Variants in USP6NL observed in about 807,000 individuals in gnomAD.
USP6NL encodes USP6 N-terminal like, also known as USP6 N-terminal-like protein.
In USP6NL, 26 loss-of-function variants were observed where a neutral mutation model predicts 61.9. The ratio of observed to expected loss-of-function variants is 0.42; its 90% confidence interval spans 0.31 to 0.58. The LOEUF is 0.58. USP6NL is among the 20% of genes least tolerant of loss of function. USP6NL has a pLI of 0.16. For missense variants in USP6NL, 1,114 were observed against 1,034.3 expected, an observed-to-expected ratio of 1.08 and a Z score of -1.06; for synonymous variants, 432 against 390.1, an observed-to-expected ratio of 1.11 and a Z score of -1.27.
In USP6NL at chr10:11,575,663, C is replaced by T. The variant is rs1837513451; in HGVS notation, c.4+21968G>A. 6.6e-6 allele frequency among the ~76,000 whole-genome samples: 1 copy of T among 152,200 alleles called. No homozygotes were observed. Among genetic ancestry groups the T allele is most frequent in the South Asian group, 2.1e-4 (1 of 4,826 alleles). ...TCACTTTGAACACATTGGTTCACTA[C>T]TGTCAATGCTTAGCTTCTGCTAAGC... On this transcript the variant is annotated intron_variant, in intron 2 of 14. Coordinates refer to ENST00000609104, the MANE Select transcript of USP6NL (RefSeq NM_014688.5). This position sits in a 1 kb window ranked among gnomAD's most constrained non-coding sequence, Gnocchi z 4.2.
In USP6NL at chr10:11,592,033, C is replaced by A. The variant is rs1838171364; in HGVS notation, c.4+5598G>T. Among the ~76,000 whole-genome samples the A allele has an allele frequency of 6.6e-6, 1 of 152,064 alleles. No homozygotes were observed. Among genetic ancestry groups the A allele is most frequent in the Non-Finnish European group, 1.5e-5 (1 of 68,016 alleles). On this transcript the variant is annotated intron_variant, in intron 2 of 14. Transcript: ENST00000609104. The surrounding 1 kb of genome is among the most constrained non-coding windows in gnomAD (Gnocchi z 4.7). ...TACCGGCACCCACCACCATGCCCAG[C>A]TAATTTTTTAGTATTTTTAGTAGAG...
chr10:11,469,083 T>C (rs1188501925), intron 14 of USP6NL, among the ~76,000 whole-genome samples: 5 of 152,188 alleles, frequency 3.3e-5, no homozygotes, highest in Non-Finnish European at 7.3e-5. Flanking sequence ...ATATTAGAAT[T>C]AAAGGAAAAG....
At position 11,562,970 on chromosome 10, in the gene USP6NL, T is replaced by G. The variant is rs146495707; in HGVS notation, c.4+34661A>C. Among the ~76,000 whole-genome samples, 3,702 of 152,048 alleles carry G rather than the reference T, an allele frequency of 0.024. 68 individuals are homozygous for G. The highest frequency in any genetic ancestry group is 0.036 in the Non-Finnish European group (2,467 of 67,964). On this transcript the variant is annotated intron_variant, in intron 2 of 14. Coordinates refer to ENST00000609104, the MANE Select transcript of USP6NL (RefSeq NM_014688.5). This position sits in a 1 kb window ranked among gnomAD's most constrained non-coding sequence, Gnocchi z 4.8. The stretch of plus-strand genomic sequence containing the variant: ...GTCGACACAAAAATCTGAATGTTCA[T>G]AGTAGCTTTATTTGTAATAGTAAAA...
At chr10:11,494,928 G>A (rs932350013) in intron 7 of USP6NL, among the ~76,000 whole-genome samples, 7 of 151,934 alleles carry the variant, frequency 4.6e-5, no homozygotes, top group African/African-American at 1.7e-4. Context: ...AACTGCAGGC[G>A]AGCCTGACTA....
chr10:11,608,678 C>T (rs1024432301), intron 1 of USP6NL, among the ~76,000 whole-genome samples: 3 of 152,192 alleles, frequency 2.0e-5, no homozygotes, highest in Admixed American at 6.5e-5. Flanking sequence ...AAGGACTCAT[C>T]CCACGTGTTG....
At position 11,463,705 on chromosome 10, in the gene USP6NL, G is replaced by C; in HGVS notation, c.1223C>G (p.Pro408Arg). The change falls in exon 15 of 15, where the codon CCC (proline) becomes CGC (arginine). Residue 408 changes from proline (P) to arginine (R), a missense_variant. Coordinates refer to ENST00000609104, the MANE Select transcript of USP6NL (RefSeq NM_014688.5). This position sits in a 1 kb window ranked among gnomAD's most constrained non-coding sequence, Gnocchi z 6.3. The stretch of plus-strand genomic sequence containing the variant: ...CGGGGAGTGCTCGTGCCTCCTGTGG[G>C]GCGCCCCGCTCTCCCTCCTGCCGCT... The part of the protein sequence containing the change: ...LASGRRESGA[P>R]HRRHEHSPHP... The C allele has an allele frequency of 6.2e-7, 1 of 1,612,444 alleles. No homozygotes were observed. Among genetic ancestry groups the C allele is most frequent in the Non-Finnish European group, 8.5e-7 (1 of 1,179,048 alleles).
In USP6NL at chr10:11,485,248, G is replaced by C. The variant is rs1794902838; in HGVS notation, c.760-14C>G. The C allele has an allele frequency of 6.6e-7, 1 of 1,512,560 alleles. No homozygotes were observed. The highest frequency in any genetic ancestry group is 1.3e-5 in the South Asian group (1 of 76,196). 93.7% of individuals were successfully genotyped at this position (1,512,560 alleles called of 1,614,324 possible). ...TTCTTGAGAATCCTGAAAAAACAAA[G>C]AGCTCACAATTTATGGATTGTAGCA... On this transcript the variant is annotated splice_polypyrimidine_tract_variant and intron_variant, in intron 11 of 14. Coordinates refer to ENST00000609104, the MANE Select transcript of USP6NL (RefSeq NM_014688.5). The surrounding 1 kb of genome is among the most constrained non-coding windows in gnomAD (Gnocchi z 4.8).
intron 5 of USP6NL, among the ~76,000 whole-genome samples, chr10:11,516,419 T>A (rs563919473): frequency 6.6e-6 from 1 of 152,318 alleles, no homozygotes; most frequent in South Asian, 2.1e-4. Flanking sequence ...TTTAATTCAT[T>A]TCCTGGAAAT....
Position 11,525,460 on chromosome 10 carries a change from T to C in USP6NL, c.81A>G (p.Glu27=), listed in dbSNP as rs1473895425. ...CTTCCCAAGGTTCAATCTCTGCACC[T>C]TCTCGTCCCTAAAATAAGGCACAAA... is the stretch of plus-strand genomic sequence containing the variant. The part of the protein sequence containing the change: ...EIVAKYDRGR[E]GAEIEPWEDA... Residue 27 remains glutamate (E), a synonymous_variant, in exon 4 of 15, where the codon GAA becomes GAG. Transcript: ENST00000609104. The surrounding 1 kb of genome is among the most constrained non-coding windows in gnomAD (Gnocchi z 5.0). 6.3e-7 allele frequency: 1 copy of C among 1,584,446 alleles called. No homozygotes were observed. The highest frequency in any genetic ancestry group is 8.5e-7 in the Non-Finnish European group (1 of 1,171,710).
At chr10:11,508,688 G>T (rs1409464206) in intron 6 of USP6NL, among the ~76,000 whole-genome samples, 3 of 152,234 alleles carry the variant, frequency 2.0e-5, no homozygotes, top group African/African-American at 7.2e-5. Flanking sequence ...GTAACGAGCA[G>T]TGACGAGACG....
At chr10:11,503,430 C>A (rs1192766376) in intron 6 of USP6NL, among the ~76,000 whole-genome samples, 1 of 152,110 alleles carries the variant, frequency 6.6e-6, no homozygotes, top group Non-Finnish European at 1.5e-5. Context: ...GGGAAAAAAA[C>A]TCCATCAAAT....
intron 2 of USP6NL, chr10:11,565,642 A>G (rs79966980): frequency 2.6e-4 from 37 of 142,126 alleles, no homozygotes; most frequent in African/African-American, 8.0e-4. Context: ...ACTCCGTCTG[A>G]AAAAAAAAAA....
chr10:11,491,186 T>C lies in USP6NL; in HGVS notation c.495-306A>G, dbSNP rs1357196951. Among the ~76,000 whole-genome samples the C allele has an allele frequency of 6.6e-6, 1 of 152,214 alleles. No homozygotes were observed. The highest frequency in any genetic ancestry group is 1.5e-5 in the Non-Finnish European group (1 of 68,018). On this transcript the variant is annotated intron_variant, in intron 8 of 14. Coordinates refer to ENST00000609104, the MANE Select transcript of USP6NL (RefSeq NM_014688.5). The surrounding 1 kb of genome is among the most constrained non-coding windows in gnomAD (Gnocchi z 4.7). ...GACCCTTCTGATAGAAGCAGCTGGC[T>C]TGACAGAATGGTGGAATGGCCTTTT...
chr10:11,522,183 A>G (rs1300973187), intron 4 of USP6NL, among the ~76,000 whole-genome samples: 4 of 152,250 alleles, frequency 2.6e-5, no homozygotes, highest in Non-Finnish European at 5.9e-5. Flanking sequence ...GTCACTCCAC[A>G]TATAATAACA....
chr10:11,532,312 C>T lies in USP6NL; in HGVS notation c.5-4745G>A, dbSNP rs570370726. The T allele has an allele frequency of 3.0e-5, 37 of 1,226,880 alleles. No individual in the cohort carries two copies. In the South Asian group the frequency reaches 5.5e-4, roughly 18 times the overall value. The allele number at this position is 1,226,880 out of a possible 1,614,324, so 76.0% of individuals were successfully genotyped here. A position where few individuals can be genotyped will look rare whatever the true frequency, so the allele number is the denominator to read the frequency against. On this transcript the variant is annotated intron_variant, in intron 2 of 14. Transcript: ENST00000609104. The surrounding 1 kb of genome is among the most constrained non-coding windows in gnomAD (Gnocchi z 4.1). ...CCAAGAGTGCTGCCCGGCGGTACCT[C>T]ACACATTCTGCAACTAACTAAAACA...
At chr10:11,483,714 G>A (rs545275405) in intron 13 of USP6NL, among the ~76,000 whole-genome samples, 1 of 135,764 alleles carries the variant, frequency 7.4e-6, no homozygotes, top group Non-Finnish European at 1.6e-5. Context: ...GGCAGTGTTG[G>A]GGGGCCGGTG....
At chr10:11,527,989 A>G (rs1346860267) in intron 2 of USP6NL, among the ~76,000 whole-genome samples, 2 of 152,174 alleles carry the variant, frequency 1.3e-5, no homozygotes, top group Admixed American at 6.5e-5. Flanking sequence ...AAGATACAAT[A>G]TTTATTTTAC....
At chr10:11,527,077 G>A (rs1835450994) in intron 3 of USP6NL, among the ~76,000 whole-genome samples, 1 of 152,166 alleles carries the variant, frequency 6.6e-6, no homozygotes, top group Non-Finnish European at 1.5e-5. Flanking sequence ...AGAAATTCCT[G>A]CCTAGAATGT....
Position 11,462,882 on chromosome 10 carries a change from C to A in USP6NL, c.2046G>T (p.Glu682Asp). 6.2e-7 allele frequency: 1 copy of A among 1,613,768 alleles called. No individual in the cohort carries two copies. The highest frequency in any genetic ancestry group is 8.5e-7 in the Non-Finnish European group (1 of 1,179,802). ...GSTLSVSASP[E>D]KSYSRPSPLV... The stretch of plus-strand genomic sequence containing the variant: ...GGGGGCTTGGGCGGCTGTAAGATTT[C>A]TCCGGAGAAGCACTGACGGAAAGAG... Residue 682 changes from glutamate to aspartate, a missense_variant, in exon 15 of 15, where the codon GAG becomes GAT. Transcript: ENST00000609104.
Sources: allele counts gnomAD v4.1 joint callset (sites outside exome capture counted in the v4.1 genomes callset), GRCh38; gene constraint gnomAD v4.1.1; non-coding constraint Gnocchi (gnomAD v3.1); transcripts MANE v1.5; gene names NCBI Gene and HGNC (gene_info 2026-07-23, HGNC 2026-07-21).